The following ORC2 variants were observed in gnomAD, a reference collection of about 807,000 sequenced individuals.
The protein encoded by ORC2 is origin recognition complex protein 2 homolog.
ORC2 carries 37 observed loss-of-function variants against 77.7 expected under a neutral mutation model. That is an observed-to-expected ratio of 0.48 (90% confidence interval 0.37 to 0.63). The LOEUF (loss-of-function observed/expected upper bound fraction) is 0.63, where lower values mean the gene tolerates loss of function less well. Among genes scored for constraint, ORC2 ranks in the 20% least tolerant of loss-of-function variants. ORC2 has a pLI of 0.00. For synonymous variants in ORC2, 201 were observed against 229.5 expected, an observed-to-expected ratio of 0.88 and a Z score of 1.12; for missense variants, 557 against 661.9, an observed-to-expected ratio of 0.84 and a Z score of 1.74.
intron 11 of ORC2, among the ~76,000 whole-genome samples, chr2:200,929,987 T>A (rs923426131): frequency 6.6e-6 from 1 of 151,990 alleles, no homozygotes; most frequent in Admixed American, 6.6e-5. Flanking sequence ...CATTCAGATA[T>A]CCAGGTCTGC....
At chr2:200,957,960 AG>A in intron 3 of ORC2, 69 bp downstream of exon 3, 1 of 983,856 alleles carries the variant, frequency 1.0e-6, no homozygotes, top group Non-Finnish European at 1.6e-6. Flanking sequence ...AAATGTTAAA[AG>A]TTTTAAAAGT....
intron 4 of ORC2, among the ~76,000 whole-genome samples, chr2:200,954,502 G>A (rs1020438581): frequency 1.1e-4 from 16 of 152,100 alleles, no homozygotes; most frequent in African/African-American, 3.1e-4. Flanking sequence ...ATTTATAAAC[G>A]TAATGGTGCA....
chr2:200,960,431 C>T (rs1002894446), intron 1 of ORC2, among the ~76,000 whole-genome samples: 9 of 152,092 alleles, frequency 5.9e-5, no homozygotes, highest in Admixed American at 2.0e-4. Flanking sequence ...CCTCTTGGGC[C>T]ATTTTTCTAG....
chr2:200,952,411 C>T (rs1206622533), intron 4 of ORC2, among the ~76,000 whole-genome samples: 1 of 152,062 alleles, frequency 6.6e-6, no homozygotes, highest in Non-Finnish European at 1.5e-5. Context: ...AGTCGCCCGC[C>T]ACCACACCCG....
At chr2:200,920,553 A>C (rs1005517085) in intron 14 of ORC2, among the ~76,000 whole-genome samples, 160 bp from the exon 15 acceptor site, 1 of 152,220 alleles carries the variant, frequency 6.6e-6, no homozygotes, top group Non-Finnish European at 1.5e-5. Flanking sequence ...CTCACAATCT[A>C]ATTTCATTTT....
At chr2:200,913,157 C>A in intron 17 of ORC2, 138 bp downstream of exon 17, 1 of 547,762 alleles carries the variant, frequency 1.8e-6, no homozygotes, top group Non-Finnish European at 3.1e-6. Flanking sequence ...ACTCAAATGG[C>A]ACATCCCCTA....
intron 5 of ORC2, among the ~76,000 whole-genome samples, chr2:200,945,490 A>C (rs2041234122): frequency 8.7e-6 from 1 of 115,316 alleles, no homozygotes; most frequent in Non-Finnish European, 1.7e-5. Context: ...AAATTGCTTG[A>C]GCCTAGGACA....
intron 13 of ORC2, among the ~76,000 whole-genome samples, chr2:200,925,075 A>T (rs1198406994): frequency 1.3e-5 from 2 of 152,230 alleles, no homozygotes; most frequent in African/African-American, 4.8e-5. Flanking sequence ...ATAATGTTTT[A>T]TAAAAACATT....
chr2:200,943,065 C>G (rs1187675360), intron 5 of ORC2: 5 of 199,864 alleles, frequency 2.5e-5, no homozygotes, highest in Non-Finnish European at 5.0e-5. Context: ...CCATCAACCA[C>G]TTATGTTCCT....
At chr2:200,913,873 A>G in intron 16 of ORC2, 58 bp downstream of exon 16, 1 of 1,531,442 alleles carries the variant, frequency 6.5e-7, no homozygotes, top group Non-Finnish European at 8.7e-7. Context: ...TTCCAGAGAC[A>G]GGAAATGTAC....
In ORC2 at chr2:200,921,000, A is replaced by C. The variant is rs755957625; in HGVS notation, c.1287T>G (p.Ala429=). ...TAGTAACAATTAACTTACTGAGAGG[A>C]GCATTGAGGTGGTCAATGGATGCTA... ...YLIASIDHLN[A]PLMWDHAKQS... Residue 429 remains alanine, a synonymous_variant, in exon 14 of 18, where the codon GCT becomes GCG. Coordinates refer to ENST00000234296, the MANE Select transcript of ORC2 (RefSeq NM_006190.5). 1 of 1,561,668 alleles carries C rather than the reference A, an allele frequency of 6.4e-7. No individual in the cohort carries two copies. Among genetic ancestry groups the C allele is most frequent in the Non-Finnish European group, 8.7e-7 (1 of 1,152,978 alleles).
intron 12 of ORC2, among the ~76,000 whole-genome samples, chr2:200,926,150 G>A (rs1228411117): frequency 6.6e-6 from 1 of 152,112 alleles, no homozygotes. Flanking sequence ...TAGCAAAGAT[G>A]TACAGGTAAT....
At chr2:200,943,219 AAC>A (rs1191708145) in intron 5 of ORC2, 1 of 152,744 alleles carries the variant, frequency 6.5e-6, no homozygotes, top group Non-Finnish European at 1.5e-5. Context: ...ATAAAGTGTG[AAC>A]AGTTTATTTT....
At chr2:200,920,069 G>A (rs191250885) in intron 15 of ORC2, among the ~76,000 whole-genome samples, 153 bp downstream of exon 15, 2 of 152,288 alleles carry the variant, frequency 1.3e-5, no homozygotes, top group East Asian at 3.9e-4. Flanking sequence ...TGACTTGTCT[G>A]CCTACTCCAT....
intron 13 of ORC2, among the ~76,000 whole-genome samples, chr2:200,922,358 C>T (rs1474112190): frequency 3.7e-5 from 4 of 107,054 alleles, no homozygotes; most frequent in Non-Finnish European, 7.4e-5. Context: ...AGAGGAAAGA[C>T]ATTAGAATGA....
chr2:200,937,461 G>T (rs191082780), intron 8 of ORC2, among the ~76,000 whole-genome samples: 1 of 152,004 alleles, frequency 6.6e-6, no homozygotes, highest in East Asian at 1.9e-4. Flanking sequence ...TATTGTCAAG[G>T]GTCAACATTA....
rs1428974493 is a variant in ORC2 at position 200,935,978 on chromosome 2, T to C, written c.515-86A>G. 13 of 1,086,878 alleles carry C rather than the reference T, an allele frequency of 1.2e-5. No individual in the cohort carries two copies. In the East Asian group the frequency reaches 1.8e-4, roughly 15 times the overall value. 67.3% of individuals were successfully genotyped at this position (1,086,878 alleles called of 1,614,324 possible). A position where few individuals can be genotyped will look rare whatever the true frequency, so the allele number is the denominator to read the frequency against. ...GGTAAAGCAAAGAGTGGGGGCTCTG[T>C]AGTAAGAGTCTGAATTCTGGTTTTG... On this transcript the variant is annotated intron_variant, in intron 8 of 17. Coordinates refer to ENST00000234296, the MANE Select transcript of ORC2 (RefSeq NM_006190.5).
intron 5 of ORC2, among the ~76,000 whole-genome samples, chr2:200,949,110 GCA>G (rs1454842418): frequency 1.1e-4 from 16 of 151,810 alleles, no homozygotes; most frequent in Non-Finnish European, 2.2e-4. Context: ...GTGTGGTGGA[GCA>G]CACCTGTAGT....
At chr2:200,953,320 T>C (rs1400388200) in intron 4 of ORC2, among the ~76,000 whole-genome samples, 1 of 150,236 alleles carries the variant, frequency 6.7e-6, no homozygotes, top group Admixed American at 6.6e-5. Context: ...TACAGTTCTT[T>C]TTGTCCGAAG....
Sources: gnomAD v4.1 joint callset for allele counts (sites outside exome capture counted in the v4.1 genomes callset) on GRCh38, gnomAD v4.1.1 for gene constraint, MANE v1.5 for transcripts, NCBI Gene and HGNC (gene_info 2026-07-23, HGNC 2026-07-21) for gene names.